The following RGS17 variants were observed in gnomAD, a reference collection of about 807,000 sequenced individuals.
The protein encoded by RGS17 is regulator of G protein signaling 17, also known as regulator of G-protein signaling 17.
A neutral mutation model predicts 25.5 loss-of-function variants in RGS17; 12 were observed. The observed-to-expected ratio is 0.47, with a 90% CI of 0.30 to 0.76. The LOEUF (loss-of-function observed/expected upper bound fraction) is 0.76. Among genes scored for constraint, RGS17 ranks in the 30% least tolerant of loss-of-function variants. The probability of loss-of-function intolerance (pLI) is 0.07; values close to 1 mark genes in which losing one functional copy is unlikely to be tolerated. For synonymous variants in RGS17, 71 were observed against 76.9 expected (o/e 0.92, Z 0.40); for missense variants, 196 against 242.2 (o/e 0.81, Z 1.27).
intron 1 of RGS17, among the ~76,000 whole-genome samples, chr6:153,049,624 G>A (rs1450592329): frequency 2.6e-5 from 4 of 152,130 alleles, no homozygotes; most frequent in Middle Eastern, 3.4e-3. Context: ...GGTGGCGGGC[G>A]ACTGTAGTCC....
intron 1 of RGS17, among the ~76,000 whole-genome samples, chr6:153,083,019 C>CTGGGAATCTT (rs1384701708): frequency 6.6e-6 from 1 of 152,098 alleles, no homozygotes; most frequent in Non-Finnish European, 1.5e-5. Context: ...ACTGTAAGAC[C>CTGGGAATCTT]TGGGAATCTT....
chr6:153,124,064 CT>C (rs1237428937), intron 1 of RGS17, among the ~76,000 whole-genome samples: 3 of 152,178 alleles, frequency 2.0e-5, no homozygotes, highest in Non-Finnish European at 4.4e-5. Context: ...TGCTTAGCAG[CT>C]TGCTTGAACA....
At chr6:153,036,033 T>G (rs2129108857) in intron 2 of RGS17, among the ~76,000 whole-genome samples, 1 of 152,270 alleles carries the variant, frequency 6.6e-6, no homozygotes, top group East Asian at 1.9e-4. Flanking sequence ...CTCTCAATTC[T>G]CTTGGCTTCT....
In RGS17 at chr6:153,079,321, GC is replaced by G. The variant is rs552119309; in HGVS notation, c.-25-35279del. On this transcript the variant is annotated intron_variant, in intron 1 of 4. Transcript: ENST00000206262. ...TTGAACTCCTGACCTCAGGTGATCTGCCCGCTTCTGCCTCCCAAAATGCTAG... is the reference window on the plus strand; with the variant it reads ...TTGAACTCCTGACCTCAGGTGATCTGCCGCTTCTGCCTCCCAAAATGCTAG... Among the ~76,000 whole-genome samples, 79 of 152,190 alleles carry G rather than the reference GC, an allele frequency of 5.2e-4. 1 individual carries two copies. Among genetic ancestry groups the G allele is most frequent in the African/African-American group, 1.8e-3 (75 of 41,530 alleles).
intron 1 of RGS17, among the ~76,000 whole-genome samples, chr6:153,099,306 T>C (rs533001981): frequency 2.0e-5 from 3 of 152,360 alleles, no homozygotes; most frequent in Non-Finnish European, 2.9e-5. Flanking sequence ...TTACTACTTA[T>C]TGATTTATGT....
rs1779142348 is a variant in RGS17 at position 153,012,307 on chromosome 6, T to A, written c.445-545A>T. Among the ~76,000 whole-genome samples the A allele has an allele frequency of 1.3e-5, 2 of 152,146 alleles. 1 individual carries two copies. The highest frequency in any genetic ancestry group is 2.9e-5 in the Non-Finnish European group (2 of 68,020). On this transcript the variant is annotated intron_variant, in intron 4 of 4. Transcript: ENST00000206262. Reference sequence around the variant, plus strand: ...ATGCAATGAGCAGGTATGCTTCAGGTCTCACATCTACCTGGCAAGGACTAG... The same window carrying A: ...ATGCAATGAGCAGGTATGCTTCAGGACTCACATCTACCTGGCAAGGACTAG...
intron 1 of RGS17, among the ~76,000 whole-genome samples, chr6:153,089,580 A>G (rs1777098288): frequency 6.6e-6 from 1 of 152,112 alleles, no homozygotes; most frequent in Non-Finnish European, 1.5e-5. Context: ...ATGTGTTCAA[A>G]AAGTGTTATT....
At chr6:153,037,853 TAACCTAAAA>T (rs544471545) in intron 2 of RGS17, among the ~76,000 whole-genome samples, 76 of 152,342 alleles carry the variant, frequency 5.0e-4, no homozygotes, top group African/African-American at 1.8e-3. Flanking sequence ...CCAAAGGTAT[TAACCTAAAA>T]AACAACAACA....
chr6:153,110,179 C>G (rs917449742), intron 1 of RGS17, among the ~76,000 whole-genome samples: 2 of 152,160 alleles, frequency 1.3e-5, no homozygotes, highest in Non-Finnish European at 2.9e-5. Context: ...TACTACCCAC[C>G]TCAGGCTGCT....
chr6:153,021,949 C>T (rs1266559965), intron 4 of RGS17, among the ~76,000 whole-genome samples: 9 of 152,212 alleles, frequency 5.9e-5, no homozygotes, highest in African/African-American at 1.9e-4. Flanking sequence ...GGCTCACACC[C>T]GTAATCCCAG....
chr6:153,129,893 G>C (rs73785764), intron 1 of RGS17, among the ~76,000 whole-genome samples: 3,971 of 152,254 alleles, frequency 0.026, 171 homozygotes, highest in African/African-American at 0.089. Context: ...CACGTGAACC[G>C]ACGTCCCGGG....
intron 1 of RGS17, among the ~76,000 whole-genome samples, chr6:153,071,930 C>T (rs1776808612): frequency 6.6e-6 from 1 of 151,978 alleles, no homozygotes. Flanking sequence ...ATTAATTTAC[C>T]AGGTTGTTGT....
intron 1 of RGS17, among the ~76,000 whole-genome samples, chr6:153,123,301 T>C (rs1009939857): frequency 6.6e-6 from 1 of 152,128 alleles, no homozygotes; most frequent in Non-Finnish European, 1.5e-5. Flanking sequence ...TACATTAGCA[T>C]ACATTTTTAC....
At chr6:153,070,810 CATATACATATACAT>C (rs1776784202) in intron 1 of RGS17, among the ~76,000 whole-genome samples, 1 of 150,428 alleles carries the variant, frequency 6.6e-6, no homozygotes, top group African/African-American at 2.4e-5. Flanking sequence ...TACATATACA[CATATACATATACAT>C]ATATACACAT....
chr6:153,034,189 G>A (rs1776202815), intron 2 of RGS17, among the ~76,000 whole-genome samples: 1 of 152,110 alleles, frequency 6.6e-6, no homozygotes, highest in Non-Finnish European at 1.5e-5. Context: ...AATACGTATG[G>A]GATGAATGTG....
At chr6:153,111,132 C>A (rs1361533263) in intron 1 of RGS17, among the ~76,000 whole-genome samples, 1 of 152,082 alleles carries the variant, frequency 6.6e-6, no homozygotes, top group African/African-American at 2.4e-5. Flanking sequence ...AGCCAGGGAG[C>A]CAAGTGGTCT....
chr6:153,060,207 CT>C (rs1776615261), intron 1 of RGS17, among the ~76,000 whole-genome samples: 1 of 152,172 alleles, frequency 6.6e-6, no homozygotes, highest in Non-Finnish European at 1.5e-5. Flanking sequence ...GCTTGTTGAA[CT>C]TCTATTCTGT....
rs1779086423 is a variant in RGS17 at position 153,007,356 on chromosome 6, A to G, written c.*4218T>C. 6.6e-6 allele frequency: 1 copy of G among 152,226 alleles called. No individual in the cohort carries two copies. Among genetic ancestry groups the G allele is most frequent in the Non-Finnish European group, 1.5e-5 (1 of 68,040 alleles). The allele number at this position is 152,226 out of a possible 1,614,324, so 9.4% of individuals were successfully genotyped here. A position where few individuals can be genotyped will look rare whatever the true frequency, so the allele number is the denominator to read the frequency against. On this transcript the variant is annotated 3_prime_UTR_variant, in exon 5 of 5. Transcript: ENST00000206262. ...ATTGTTTTTGCAGGAGAACAAACCC[A>G]TTGGTCAGAAATTTGAAGATGGAAA... is the stretch of plus-strand genomic sequence containing the variant.
intron 1 of RGS17, among the ~76,000 whole-genome samples, chr6:153,097,194 G>A (rs1455632528): frequency 6.6e-6 from 1 of 150,854 alleles, no homozygotes; most frequent in African/African-American, 2.4e-5. Flanking sequence ...ACCTATGGAT[G>A]TAAATTTTGA....
Sources: gnomAD v4.1 joint callset for allele counts (sites outside exome capture counted in the v4.1 genomes callset) on GRCh38, gnomAD v4.1.1 for gene constraint, MANE v1.5 for transcripts, NCBI Gene and HGNC (gene_info 2026-07-23, HGNC 2026-07-21) for gene names.